PHGDH: variants seen among roughly 807,000 people sequenced by gnomAD.
The protein encoded by PHGDH is D-3-phosphoglycerate dehydrogenase.
PHGDH carries 50 observed loss-of-function variants against 52.6 expected under a neutral mutation model. The observed-to-expected ratio is 0.95, with a 90% CI of 0.76 to 1.20. The LOEUF (loss-of-function observed/expected upper bound fraction) is 1.20, where lower values mean the gene tolerates loss of function less well. Among genes scored for constraint, PHGDH ranks in the 50% most tolerant of loss-of-function variants. PHGDH has a pLI of 0.00. For missense variants in PHGDH, 630 were observed against 684.6 expected (o/e 0.92, Z 0.89); for synonymous variants, 271 against 280.5 (o/e 0.97, Z 0.34).
At chr1:119,738,806 G>C (rs1296170302) in intron 8 of PHGDH, among the ~76,000 whole-genome samples, 1 of 151,930 alleles carries the variant, frequency 6.6e-6, no homozygotes, top group African/African-American at 2.4e-5. Flanking sequence ...ACCTTGCAGA[G>C]AGATGGGGAG....
chr1:119,726,948 G>C (rs371826500), intron 4 of PHGDH, 43 bp downstream of exon 4: 1 of 1,606,766 alleles, frequency 6.2e-7, no homozygotes, highest in African/African-American at 1.3e-5. Flanking sequence ...CTCAGGGCCC[G>C]GGGTCCACTC....
chr1:119,742,518 A>T, intron 10 of PHGDH: 1 of 559,294 alleles, frequency 1.8e-6, no homozygotes, highest in South Asian at 2.0e-5. Context: ...GAGTCTCCTC[A>T]CAGCCCTGCC....
chr1:119,737,331 G>A (rs1651988879), intron 8 of PHGDH, 65 bp downstream of exon 8: 3 of 1,393,274 alleles, frequency 2.2e-6, no homozygotes, highest in Non-Finnish European at 3.0e-6. Context: ...AAGGCATCTT[G>A]TAGGGGCTGG....
At chr1:119,726,507 G>A (rs1386976555) in intron 3 of PHGDH, 5 of 431,666 alleles carry the variant, frequency 1.2e-5, no homozygotes, top group Non-Finnish European at 2.2e-5. Context: ...GAGTTGCCCA[G>A]TACCCCACTC....
intron 6 of PHGDH, 74 bp downstream of exon 6, chr1:119,734,840 C>A (rs754067673): frequency 2.0e-6 from 3 of 1,515,656 alleles, no homozygotes; most frequent in African/African-American, 2.7e-5. Flanking sequence ...TCCATCTGGG[C>A]CTTCCCCAGA....
intron 5 of PHGDH, chr1:119,734,366 C>T: frequency 6.8e-6 from 3 of 439,870 alleles, no homozygotes; most frequent in South Asian, 6.1e-5. Flanking sequence ...CCCTGCTTCC[C>T]TCAGCTCTCA....
chr1:119,733,623 A>G (rs1233829359), intron 5 of PHGDH, among the ~76,000 whole-genome samples: 3 of 152,152 alleles, frequency 2.0e-5, no homozygotes, highest in Non-Finnish European at 4.4e-5. Context: ...GGTGTGAGCA[A>G]TGGCACCCAT....
At chr1:119,737,085 C>T (rs1488176638) in intron 7 of PHGDH, 29 bp from the exon 8 acceptor site, 1 of 1,612,998 alleles carries the variant, frequency 6.2e-7, no homozygotes. Context: ...TCCATGGCAG[C>T]CAACTTAGAG....
chr1:119,721,344 G>T (rs769225173), intron 2 of PHGDH, 23 bp downstream of exon 2: 2 of 1,610,080 alleles, frequency 1.2e-6, no homozygotes, highest in African/African-American at 1.3e-5. Context: ...GGCTGCGGGC[G>T]GTTTGGGGGT....
intron 1 of PHGDH, chr1:119,712,649 G>A (rs587691209): frequency 2.1e-4 from 37 of 177,312 alleles, no homozygotes; most frequent in Non-Finnish European, 3.7e-4. Context: ...CCGCCCCGCC[G>A]ATTCTAGCCT....
chr1:119,735,560 C>A, intron 7 of PHGDH, 117 bp downstream of exon 7: 1 of 1,109,678 alleles, frequency 9.0e-7, no homozygotes, highest in Non-Finnish European at 1.3e-6. Context: ...CTCTTTCATC[C>A]ATGGTAAAAG....
Position 119,741,858 on chromosome 1 carries a change from G to C in PHGDH, c.1170G>C (p.Leu390Phe). 6.2e-7 allele frequency: 1 copy of C among 1,614,018 alleles called. No individual in the cohort carries two copies. The highest frequency in any genetic ancestry group is 1.1e-5 in the South Asian group (1 of 91,084). Residue 390 changes from leucine (L) to phenylalanine (F), a missense_variant, in exon 10 of 12, where the codon TTG (leucine) becomes TTC (phenylalanine). Leu to Phe is a conservative substitution (Grantham distance 22). Transcript: ENST00000641023. ...CTTCCAAGCAGGCGGATGTGAACTT[G>C]GTGAACGCTAAGCTGCTGGTGAAAG... ...KEASKQADVNLVNAKLLVKEA... is the reference protein window; with the variant it reads ...KEASKQADVNFVNAKLLVKEA...
intron 8 of PHGDH, chr1:119,739,753 G>A (rs1353114366): frequency 6.6e-6 from 1 of 152,560 alleles, no homozygotes. Flanking sequence ...AGCTGGTTCT[G>A]TTATCAGGCC....
At position 119,726,760 on chromosome 1, in the gene PHGDH, G is replaced by A; in HGVS notation, c.357-91G>A. The A allele has an allele frequency of 5.0e-6, 5 of 994,022 alleles. 1 individual carries two copies. In the South Asian group the frequency reaches 6.4e-5, roughly 13 times the overall value. The allele number at this position is 994,022 out of a possible 1,614,324, so 61.6% of individuals were successfully genotyped here. Reference sequence around the variant, plus strand: ...CAGTTCTTGGGGAAGTGGCTGTCATGGGCAGTGACTGTGCAAACCTGATGT... The same window carrying A: ...CAGTTCTTGGGGAAGTGGCTGTCATAGGCAGTGACTGTGCAAACCTGATGT... On this transcript the variant is annotated intron_variant, in intron 3 of 11. Transcript: ENST00000641023.
rs774143468 is a variant in PHGDH, at chr1:119,735,247, G to T, written c.644-48G>T. ...ACCTCTGGAAGCCAGGGATGAGCGT[G>T]GGGATCCTGGTGCTGCCCCAGCAGG... On this transcript the variant is annotated intron_variant, in intron 6 of 11. Transcript: ENST00000641023. 6.2e-6 allele frequency: 10 copies of T among 1,612,754 alleles called. 1 individual carries two copies. The Middle Eastern group carries it at 1.5e-3, about 239-fold the overall frequency.
At chr1:119,719,270 A>C (rs1005567086) in intron 1 of PHGDH, among the ~76,000 whole-genome samples, 2 of 152,180 alleles carry the variant, frequency 1.3e-5, no homozygotes, top group Non-Finnish European at 2.9e-5. Flanking sequence ...AGTTTAGCAT[A>C]ATGCCAGATA....
rs1282624852 is a variant in PHGDH at position 119,742,808 on chromosome 1, T to C, written c.1211T>C (p.Val404Ala). The C allele has an allele frequency of 6.3e-7, 1 of 1,598,250 alleles. No individual in the cohort carries two copies. Among genetic ancestry groups the C allele is most frequent in the Admixed American group, 1.7e-5 (1 of 58,520 alleles). The change falls in exon 11 of 12, where the codon GTC (valine) becomes GCC (alanine). Residue 404 changes from valine to alanine, a missense_variant and splice_region_variant. Coordinates refer to ENST00000641023, the MANE Select transcript of PHGDH (RefSeq NM_006623.4). ...KLLVKEAGLN[V>A]TTSHSPAAPG... ...AGTCACCTTGCCTTCTCCACACAGGTCACCACCTCCCACAGCCCTGCTGCA... is the reference window on the plus strand; with the variant it reads ...AGTCACCTTGCCTTCTCCACACAGGCCACCACCTCCCACAGCCCTGCTGCA...
chr1:119,721,650 G>C (rs1302064939), intron 2 of PHGDH: 4 of 282,468 alleles, frequency 1.4e-5, no homozygotes, highest in Middle Eastern at 1.2e-3. Flanking sequence ...TTCAGGAATC[G>C]GAAGGTCAGT....
At chr1:119,725,204 C>T (rs1651352382) in intron 3 of PHGDH, among the ~76,000 whole-genome samples, 1 of 152,196 alleles carries the variant, frequency 6.6e-6, no homozygotes, top group East Asian at 1.9e-4. Context: ...TTGTGAGGAC[C>T]CTCGCCCACA....
Sources: gnomAD v4.1 joint callset for allele counts (sites outside exome capture counted in the v4.1 genomes callset) on GRCh38, gnomAD v4.1.1 for gene constraint, MANE v1.5 for transcripts, NCBI Gene and HGNC (gene_info 2026-07-23, HGNC 2026-07-21) for gene names.